PTGR2: variants seen among roughly 807,000 people sequenced by gnomAD.
PTGR2 encodes the protein 15-oxoprostaglandin 13-reductase.
PTGR2 carries 32 observed loss-of-function variants against 43.4 expected under a neutral mutation model. The observed-to-expected ratio is 0.74, with a 90% confidence interval of 0.56 to 0.99. The LOEUF (loss-of-function observed/expected upper bound fraction) is 0.99, where lower values mean the gene tolerates loss of function less well. Among genes scored for constraint, PTGR2 ranks in the 50% least tolerant of loss-of-function variants. PTGR2 has a pLI of 0.00. For synonymous variants in PTGR2, 106 were observed against 139.2 expected, an observed-to-expected ratio of 0.76 and a Z score of 1.68; for missense variants, 373 against 420.0, an observed-to-expected ratio of 0.89 and a Z score of 0.98.
intron 1 of PTGR2, among the ~76,000 whole-genome samples, chr14:73,852,718 A>C (rs1246174424): frequency 6.6e-6 from 1 of 152,210 alleles, no homozygotes; most frequent in African/African-American, 2.4e-5. Context: ...GAGAAAGGGA[A>C]GAGCAAGATA....
chr14:73,857,483 G>A (rs1291709215), intron 1 of PTGR2, among the ~76,000 whole-genome samples: 2 of 150,870 alleles, frequency 1.3e-5, no homozygotes, highest in African/African-American at 4.9e-5. Context: ...GCACCGTGGT[G>A]CACGCCTGTA....
intron 3 of PTGR2, among the ~76,000 whole-genome samples, chr14:73,866,016 T>C (rs892425939): frequency 6.6e-6 from 1 of 152,194 alleles, no homozygotes; most frequent in Non-Finnish European, 1.5e-5. Flanking sequence ...TCTTTTTTTT[T>C]TTTTGAGATG....
intron 1 of PTGR2, among the ~76,000 whole-genome samples, chr14:73,856,230 A>G (rs1367136883): frequency 2.6e-5 from 4 of 151,816 alleles, no homozygotes; most frequent in African/African-American, 9.7e-5. Context: ...ATATAGGTAT[A>G]CCATTTTAAA....
At chr14:73,869,573 C>T (rs1225506067) in intron 3 of PTGR2, among the ~76,000 whole-genome samples, 1 of 101,228 alleles carries the variant, frequency 9.9e-6, no homozygotes, top group Admixed American at 1.1e-4. Flanking sequence ...GACCGTGCCT[C>T]AAAAAAAAAA....
chr14:73,866,786 G>A (rs2054604523), intron 3 of PTGR2, among the ~76,000 whole-genome samples: 1 of 151,994 alleles, frequency 6.6e-6, no homozygotes, highest in African/African-American at 2.4e-5. Context: ...GGCCTAAGGA[G>A]AACAAAATGT....
chr14:73,866,092 C>T (rs562287060), intron 3 of PTGR2, among the ~76,000 whole-genome samples: 2 of 151,856 alleles, frequency 1.3e-5, no homozygotes. Flanking sequence ...ACCTCCACTT[C>T]CCGGGTTCAA....
chr14:73,883,989 A>T, intron 9 of PTGR2, 112 bp from the exon 10 acceptor site: 1 of 696,374 alleles, frequency 1.4e-6, no homozygotes, highest in East Asian at 2.8e-5. Context: ...TATGCTTAAT[A>T]TTCAAAATCA....
intron 3 of PTGR2, among the ~76,000 whole-genome samples, chr14:73,864,233 C>G (rs1205027298): frequency 6.6e-6 from 1 of 152,172 alleles, no homozygotes; most frequent in Non-Finnish European, 1.5e-5. Context: ...TGGCTATTAG[C>G]AATACTTCTG....
chr14:73,866,755 G>A (rs1460600681), intron 3 of PTGR2, among the ~76,000 whole-genome samples: 1 of 152,038 alleles, frequency 6.6e-6, no homozygotes, highest in Non-Finnish European at 1.5e-5. Context: ...AATGTGGGTG[G>A]GCATCATCCA....
intron 1 of PTGR2, among the ~76,000 whole-genome samples, chr14:73,853,309 C>T (rs956453248): frequency 6.6e-6 from 1 of 151,208 alleles, no homozygotes; most frequent in African/African-American, 2.4e-5. Flanking sequence ...CTTTCTGTAC[C>T]TCTTTTTTCT....
chr14:73,862,566 G>A (rs1166015359), intron 3 of PTGR2, among the ~76,000 whole-genome samples: 2 of 152,262 alleles, frequency 1.3e-5, no homozygotes, highest in South Asian at 4.1e-4. Flanking sequence ...AAGTGAAAGA[G>A]TGCCCGTACA....
At chr14:73,873,884 A>ATTTTG in intron 3 of PTGR2, 139 bp from the exon 4 acceptor site, 1 of 580,350 alleles carries the variant, frequency 1.7e-6, no homozygotes, top group Non-Finnish European at 2.9e-6. Context: ...TCTTATGTTT[A>ATTTTG]AGTCTTGAAT....
intron 7 of PTGR2, 162 bp downstream of exon 7, chr14:73,880,338 C>T (rs1005409880): frequency 5.3e-6 from 4 of 748,274 alleles, no homozygotes; most frequent in South Asian, 3.0e-5. Context: ...TTTGGGATGC[C>T]GAGACGGGTG....
intron 1 of PTGR2, among the ~76,000 whole-genome samples, chr14:73,856,240 A>G (rs1326907214): frequency 6.6e-6 from 1 of 151,628 alleles, no homozygotes; most frequent in Non-Finnish European, 1.5e-5. Flanking sequence ...ACCATTTTAA[A>G]ATCTTTTTTG....
chr14:73,879,981 G>A (rs1423203202), intron 6 of PTGR2, 74 bp from the exon 7 acceptor site: 52 of 1,475,420 alleles, frequency 3.5e-5, no homozygotes, highest in Non-Finnish European at 4.9e-5. Context: ...TAGTCAAGGA[G>A]GCTTCCATTA....
intron 3 of PTGR2, among the ~76,000 whole-genome samples, chr14:73,864,235 A>G (rs890038000): frequency 5.9e-5 from 9 of 152,254 alleles, no homozygotes; most frequent in Non-Finnish European, 1.2e-4. Flanking sequence ...GCTATTAGCA[A>G]TACTTCTGCT....
chr14:73,873,808 C>T (rs2054792704), intron 3 of PTGR2, among the ~76,000 whole-genome samples: 1 of 152,122 alleles, frequency 6.6e-6, no homozygotes, highest in Non-Finnish European at 1.5e-5. Context: ...CCACTGTTCC[C>T]AGCCAGTGGC....
At chr14:73,876,044 C>T (rs2054856379) in intron 4 of PTGR2, among the ~76,000 whole-genome samples, 3 of 151,032 alleles carry the variant, frequency 2.0e-5, no homozygotes, top group Non-Finnish European at 4.4e-5. Context: ...TGGTCTTGAA[C>T]TCCTGACCAC....
chr14:73,869,621 G>C (rs1447931539), intron 3 of PTGR2, among the ~76,000 whole-genome samples: 2 of 151,498 alleles, frequency 1.3e-5, no homozygotes, highest in African/African-American at 4.9e-5. Context: ...ATTTATCACT[G>C]TATCTCCAGT....
Sources: gnomAD v4.1 joint callset for allele counts (sites outside exome capture counted in the v4.1 genomes callset) on GRCh38, gnomAD v4.1.1 for gene constraint, MANE v1.5 for transcripts, NCBI Gene and HGNC (gene_info 2026-07-23, HGNC 2026-07-21) for gene names.